The following WEE2 variants were observed in gnomAD, a reference collection of about 807,000 sequenced individuals.
The protein encoded by WEE2 is wee1-like protein kinase 2.
A neutral mutation model predicts 60.1 loss-of-function variants in WEE2; 50 were observed. The ratio of observed to expected loss-of-function variants is 0.83; its 90% confidence interval spans 0.66 to 1.05. The LOEUF (loss-of-function observed/expected upper bound fraction) is 1.05, where lower values mean the gene tolerates loss of function less well. Ranked by LOEUF, WEE2 falls within the 50% of genes least tolerant of loss-of-function variation. The pLI is 0.00. For missense variants in WEE2, 631 were observed against 684.3 expected (o/e 0.92, Z 0.87); for synonymous variants, 240 against 241.0 (o/e 1.00, Z 0.04).
At position 141,713,156 on chromosome 7, in the gene WEE2, T is replaced by C. The variant is rs1166639435; in HGVS notation, c.343-1053T>C. 2.0e-5 allele frequency among the ~76,000 whole-genome samples: 3 copies of C among 152,244 alleles called. No homozygotes were observed. The South Asian group carries it at 6.2e-4, about 31-fold the overall frequency. On this transcript the variant is annotated intron_variant, in intron 1 of 11. Transcript: ENST00000397541. Reference sequence around the variant, plus strand: ...CCTGCTTATTCAATCATTTATTTAGTATTTACAATAGATCCAATATTCATT... The same window carrying C: ...CCTGCTTATTCAATCATTTATTTAGCATTTACAATAGATCCAATATTCATT...
At chr7:141,721,258 T>G (rs1330141099) in intron 5 of WEE2, among the ~76,000 whole-genome samples, 1 of 152,212 alleles carries the variant, frequency 6.6e-6, no homozygotes, top group African/African-American at 2.4e-5. Flanking sequence ...TTTCTTTCCC[T>G]TCTGTTGTCA....
chr7:141,722,873 T>A (rs929896215), intron 5 of WEE2, among the ~76,000 whole-genome samples: 6 of 152,356 alleles, frequency 3.9e-5, no homozygotes, highest in African/African-American at 1.4e-4. Flanking sequence ...CTTTCCAACA[T>A]GTCTGTGGTA....
Position 141,711,315 on chromosome 7 carries a change from AG to A in WEE2, c.342+2216del, listed in dbSNP as rs375144352. ...GCCAGAGTAAGGAGAGAAGTGGCCC[AG>A]TTAGAAATCTTGGATAATGCATTTA... On this transcript the variant is annotated intron_variant, in intron 1 of 11. Coordinates refer to ENST00000397541, the MANE Select transcript of WEE2 (RefSeq NM_001105558.1). The surrounding 1 kb of genome is among the most constrained non-coding windows in gnomAD (Gnocchi z 4.2). Among the ~76,000 whole-genome samples, 185 of 152,328 alleles carry A rather than the reference AG, an allele frequency of 1.2e-3. No homozygotes were observed. Among genetic ancestry groups the A allele is most frequent in the Middle Eastern group, 3.4e-3 (1 of 294 alleles).
At chr7:141,721,159 GAT>G in intron 5 of WEE2, 103 bp downstream of exon 5, 1 of 1,406,786 alleles carries the variant, frequency 7.1e-7, no homozygotes, top group Non-Finnish European at 9.9e-7. Flanking sequence ...ACGGATAGCA[GAT>G]ATACCTAAAA....
Position 141,719,106 on chromosome 7 carries a change from G to T in WEE2, c.620G>T (p.Arg207Leu), listed in dbSNP as rs1450612426. 1.9e-6 allele frequency: 3 copies of T among 1,613,788 alleles called. No homozygotes were observed. Among genetic ancestry groups the T allele is most frequent in the Non-Finnish European group, 1.7e-6 (2 of 1,179,942 alleles). ...TTACGAGAAACCAACATGGCTTCCC[G>T]CTATGAAAAAGAATTCTTGGAGGTT... ...CVLRETNMAS[R>L]YEKEFLEVEK... The change falls in exon 4 of 12, where the codon CGC becomes CTC. Residue 207 changes from arginine to leucine, a missense_variant. Coordinates refer to ENST00000397541, the MANE Select transcript of WEE2 (RefSeq NM_001105558.1).
chr7:141,725,016 T>C lies in WEE2; in HGVS notation c.1222-10T>C. ...CATAGTAACTGGCCTTCCTGTCTTC[T>C]GTTTTGAAGGATTACCGGCACCTTC... On this transcript the variant is annotated splice_polypyrimidine_tract_variant and intron_variant, in intron 8 of 11. Transcript: ENST00000397541. 1 of 1,610,346 alleles carries C rather than the reference T, an allele frequency of 6.2e-7. No homozygotes were observed. Among genetic ancestry groups the C allele is most frequent in the Non-Finnish European group, 8.5e-7 (1 of 1,177,704 alleles).
chr7:141,729,480 A>C (rs531345323), intron 10 of WEE2, 51 bp from the exon 11 acceptor site: 2 of 1,612,080 alleles, frequency 1.2e-6, no homozygotes, highest in South Asian at 2.2e-5. Context: ...GATCATACAT[A>C]TCTCTGACTG....
At position 141,730,729 on chromosome 7, in the gene WEE2, C is replaced by T. The variant is rs550790153; in HGVS notation, c.*409C>T. 639 of 160,564 alleles carry T rather than the reference C, an allele frequency of 4.0e-3. 2 individuals carry two copies. Among genetic ancestry groups the T allele is most frequent in the Non-Finnish European group, 5.6e-3 (412 of 73,862 alleles). The allele number at this position is 160,564 out of a possible 1,614,324, so 9.9% of individuals were successfully genotyped here. A position where few individuals can be genotyped will look rare whatever the true frequency, so the allele number is the denominator to read the frequency against. ...AACTTGATGTGCCTGTGGTTGTTCT[C>T]CATCTATTTGCCCTGCCTCTCTTGC... On this transcript the variant is annotated 3_prime_UTR_variant, in exon 12 of 12. Coordinates refer to ENST00000397541, the MANE Select transcript of WEE2 (RefSeq NM_001105558.1).
At chr7:141,718,507 C>T (rs1246631043) in intron 3 of WEE2, among the ~76,000 whole-genome samples, 3 of 151,976 alleles carry the variant, frequency 2.0e-5, no homozygotes, top group South Asian at 2.1e-4. Flanking sequence ...TGGCCAGTAG[C>T]GGGAGTGGTT....
chr7:141,716,202 C>CTTTTT lies in WEE2; in HGVS notation c.540-15_540-11dup. 6.3e-7 allele frequency: 1 copy of CTTTTT among 1,596,592 alleles called. No homozygotes were observed. The highest frequency in any genetic ancestry group is 8.6e-7 in the Non-Finnish European group (1 of 1,168,420). ...TAAATATTAATTATATATTGATAAA[C>CTTTTT]TTTTTTTTTCTTTTTTAAGTGAGGA... On this transcript the variant is annotated intron_variant, in intron 2 of 11. Coordinates refer to ENST00000397541, the MANE Select transcript of WEE2 (RefSeq NM_001105558.1).
At chr7:141,724,929 T>C (rs1798984065) in intron 8 of WEE2, 97 bp from the exon 9 acceptor site, 8 of 1,381,136 alleles carry the variant, frequency 5.8e-6, no homozygotes, top group Non-Finnish European at 8.0e-6. Context: ...GTTTAAACCT[T>C]ATATGCACTC....
chr7:141,725,808 G>A (rs1253917850), intron 9 of WEE2, among the ~76,000 whole-genome samples: 1 of 152,128 alleles, frequency 6.6e-6, no homozygotes, highest in Non-Finnish European at 1.5e-5. Context: ...CTGCAGTTGA[G>A]GAAACCATGG....
At chr7:141,730,159 G>T in intron 11 of WEE2, 136 bp from the exon 12 acceptor site, 1 of 655,242 alleles carries the variant, frequency 1.5e-6, no homozygotes, top group Non-Finnish European at 2.5e-6. Flanking sequence ...TTATAGCCAA[G>T]ATCCTAAAGC....
At chr7:141,725,227 G>A in intron 9 of WEE2, 31 bp downstream of exon 9, 1 of 1,592,620 alleles carries the variant, frequency 6.3e-7, no homozygotes, top group Non-Finnish European at 8.6e-7. Flanking sequence ...AACAGAAGAT[G>A]CAATATCTAT....
At position 141,729,560 on chromosome 7, in the gene WEE2, C is replaced by T. The variant is rs756536075; in HGVS notation, c.1565C>T (p.Ser522Leu). The T allele has an allele frequency of 8.7e-6, 14 of 1,614,086 alleles. No individual in the cohort carries two copies. Among genetic ancestry groups the T allele is most frequent in the South Asian group, 3.3e-5 (3 of 91,080 alleles). The stretch of plus-strand genomic sequence containing the variant: ...CTGAGAGAAGCCCAGCAGGCCCAGT[C>T]ACCCCAGGGATATACCCATCATGGT... The part of the protein sequence containing the change: ...RELREAQQAQ[S>L]PQGYTHHGDT... The change falls in exon 11 of 12, where the codon TCA (serine) becomes TTA (leucine). Residue 522 changes from serine (S) to leucine (L), a missense_variant. Coordinates refer to ENST00000397541, the MANE Select transcript of WEE2 (RefSeq NM_001105558.1).
chr7:141,724,329 CAAATG>C lies in WEE2; in HGVS notation c.1221+55_1221+59del. The C allele has an allele frequency of 5.5e-6, 8 of 1,467,396 alleles. No homozygotes were observed. The South Asian group carries it at 9.7e-5, about 18-fold the overall frequency. The allele number at this position is 1,467,396 out of a possible 1,614,324, so 90.9% of individuals were successfully genotyped here. On this transcript the variant is annotated intron_variant, in intron 8 of 11. Transcript: ENST00000397541. Reference sequence around the variant, plus strand: ...TATAATCTGTTGAACCTTTGACTCTCAAATGGAGGATCTCAGTGCAAAAAATTAAA... The same window carrying C: ...TATAATCTGTTGAACCTTTGACTCTCGAGGATCTCAGTGCAAAAAATTAAA...
Position 141,725,103 on chromosome 7 carries a change from G to A in WEE2, c.1299G>A (p.Leu433=). The part of the protein sequence containing the change: ...TIAVAAGAES[L]PTNGAAWHHI... The stretch of plus-strand genomic sequence containing the variant: ...CAGTGGCTGCAGGAGCAGAGTCATT[G>A]CCCACCAATGGTGCTGCATGGCACC... The change falls in exon 9 of 12, where the codon TTG becomes TTA. Residue 433 remains leucine, a synonymous_variant. Coordinates refer to ENST00000397541, the MANE Select transcript of WEE2 (RefSeq NM_001105558.1). 1.2e-6 allele frequency: 2 copies of A among 1,614,208 alleles called. No homozygotes were observed. The highest frequency in any genetic ancestry group is 1.7e-6 in the Non-Finnish European group (2 of 1,180,046).
chr7:141,723,361 T>C, intron 6 of WEE2, 81 bp downstream of exon 6: 3 of 1,461,508 alleles, frequency 2.1e-6, no homozygotes, highest in Non-Finnish European at 9.3e-7. Context: ...TGTATGTCTA[T>C]CAAGTGTCAA....
At chr7:141,725,701 T>C (rs1799004955) in intron 9 of WEE2, among the ~76,000 whole-genome samples, 1 of 151,908 alleles carries the variant, frequency 6.6e-6, no homozygotes, top group Non-Finnish European at 1.5e-5. Flanking sequence ...GAGGATATTG[T>C]AAAATCTTTT....
Sources: gnomAD v4.1 joint callset for allele counts (sites outside exome capture counted in the v4.1 genomes callset) on GRCh38, gnomAD v4.1.1 for gene constraint, Gnocchi (gnomAD v3.1) non-coding constraint, MANE v1.5 for transcripts, NCBI Gene and HGNC (gene_info 2026-07-23, HGNC 2026-07-21) for gene names.